Variants in ERI1 observed in about 807,000 individuals in gnomAD.
ERI1 encodes the protein 3'-5' exoribonuclease 1.
A neutral mutation model predicts 39.7 loss-of-function variants in ERI1; 39 were observed. The observed-to-expected ratio is 0.98, with a 90% confidence interval of 0.76 to 1.28. The LOEUF (loss-of-function observed/expected upper bound fraction) is 1.28. ERI1 is among the 50% of genes most tolerant of loss of function. ERI1 has a pLI of 0.00. For synonymous variants in ERI1, 204 were observed against 149.6 expected (o/e 1.36, Z -2.65); for missense variants, 581 against 416.9 (o/e 1.39, Z -3.43).
downstream of ERI1, among the ~76,000 whole-genome samples, chr8:9,034,375 A>G (rs538805501): frequency 1.2e-4 from 19 of 152,336 alleles, no homozygotes; most frequent in African/African-American, 3.8e-4. Context: ...TTTTTAACAT[A>G]CTGAAAGTTT....
chr8:9,036,228 CTG>C (rs1202966787), downstream of ERI1, among the ~76,000 whole-genome samples: 1 of 152,198 alleles, frequency 6.6e-6, no homozygotes, highest in East Asian at 1.9e-4. Flanking sequence ...GAAAGAAGGT[CTG>C]TGGATAGAAT....
intron 3 of ERI1, among the ~76,000 whole-genome samples, chr8:9,092,056 A>C (rs1799724426): frequency 6.6e-6 from 1 of 152,136 alleles, no homozygotes; most frequent in South Asian, 2.1e-4. Context: ...TCCTGGGCTC[A>C]AGTGATCCTC....
intron 3 of ERI1, among the ~76,000 whole-genome samples, chr8:9,068,451 C>T (rs1486214867): frequency 1.3e-5 from 2 of 152,172 alleles, no homozygotes; most frequent in Non-Finnish European, 2.9e-5. Flanking sequence ...ATCCTCCTGC[C>T]TTGGCCTCCC....
chr8:9,089,804 T>C (rs1438180998), intron 3 of ERI1, among the ~76,000 whole-genome samples: 1 of 152,148 alleles, frequency 6.6e-6, no homozygotes, highest in Non-Finnish European at 1.5e-5. Flanking sequence ...CAGAGTCCGC[T>C]TAGCTTTTCA....
chr8:9,038,936 A>G (rs1797936060), intron 3 of ERI1, among the ~76,000 whole-genome samples: 1 of 152,166 alleles, frequency 6.6e-6, no homozygotes, highest in African/African-American at 2.4e-5. Flanking sequence ...CAGTTCTTTA[A>G]TTTCCGTGAC....
rs1798904956 is a variant in ERI1, at chr8:9,067,185, T to A, written n.299+46721T>A. 2.6e-5 allele frequency among the ~76,000 whole-genome samples: 4 copies of A among 152,184 alleles called. No homozygotes were observed. In the South Asian group the frequency reaches 8.3e-4, roughly 32 times the overall value. ...ACAAATATAAGCCCCCATTATTGAT[T>A]TAGCTGCAGGGTACGTCATTCATAC... is the stretch of plus-strand genomic sequence containing the variant. On this transcript the variant is annotated intron_variant and non_coding_transcript_variant, in intron 3 of 3. Coordinates refer to the ERI1 transcript ENST00000518663.
intron 3 of ERI1, among the ~76,000 whole-genome samples, chr8:9,096,531 G>A (rs1371232129): frequency 6.6e-6 from 1 of 152,084 alleles, no homozygotes; most frequent in African/African-American, 2.4e-5. Flanking sequence ...GACTGTGAAA[G>A]GGCTCACTGT....
intron 3 of ERI1, among the ~76,000 whole-genome samples, chr8:9,063,665 T>A (rs1243911501): frequency 6.6e-6 from 1 of 151,678 alleles, no homozygotes. Context: ...CTAGGGAGGG[T>A]CCAATGTGTA....
At position 9,058,490 on chromosome 8, in the gene ERI1, T is replaced by A. The variant is rs542916009; in HGVS notation, n.299+38026T>A. ...TTCTCCATGTTAATGAGGTGATGAA[T>A]AAAAATGATAATGACATTGTGGCAT... is the stretch of plus-strand genomic sequence containing the variant. On this transcript the variant is annotated intron_variant and non_coding_transcript_variant, in intron 3 of 3. Coordinates refer to the ERI1 transcript ENST00000518663. Among the ~76,000 whole-genome samples, 5 of 152,334 alleles carry A rather than the reference T, an allele frequency of 3.3e-5. No individual in the cohort carries two copies. In the South Asian group the frequency reaches 8.3e-4, roughly 25 times the overall value.
At chr8:9,063,981 C>G (rs185079903) in intron 3 of ERI1, among the ~76,000 whole-genome samples, 1 of 150,958 alleles carries the variant, frequency 6.6e-6, no homozygotes, top group African/African-American at 2.4e-5. Flanking sequence ...AGTAGAGACA[C>G]GGAGGGAAGG....
At position 9,030,340 on chromosome 8, in the gene ERI1, A is replaced by G. The variant is rs1327270393; in HGVS notation, c.*306A>G. On this transcript the variant is annotated 3_prime_UTR_variant, in exon 7 of 7. Coordinates refer to ENST00000250263, the MANE Select transcript of ERI1 (RefSeq NM_153332.4). Reference sequence around the variant, plus strand: ...TTTTGGTTTTAAAATGCAAAATCTTATTGGCTGTTCTGTTGAATGTCATAT... The same window carrying G: ...TTTTGGTTTTAAAATGCAAAATCTTGTTGGCTGTTCTGTTGAATGTCATAT... The G allele has an allele frequency of 6.7e-6, 2 of 296,654 alleles. No homozygotes were observed. The highest frequency in any genetic ancestry group is 1.3e-5 in the Non-Finnish European group (2 of 154,314). The allele number at this position is 296,654 out of a possible 1,614,324, so 18.4% of individuals were successfully genotyped here. A position where few individuals can be genotyped will look rare whatever the true frequency, so the allele number is the denominator to read the frequency against.
intron 3 of ERI1, among the ~76,000 whole-genome samples, chr8:9,047,635 G>T (rs1798215996): frequency 6.6e-6 from 1 of 152,082 alleles, no homozygotes; most frequent in Non-Finnish European, 1.5e-5. Context: ...GGAGTTTGAG[G>T]CTGCAGTGAG....
chr8:9,050,504 T>C (rs1223982811), intron 3 of ERI1, among the ~76,000 whole-genome samples: 1 of 37,398 alleles, frequency 2.7e-5, no homozygotes, highest in East Asian at 4.4e-4. Context: ...TGAAACTCCA[T>C]CTCAAAAAAA....
rs140271229 is a variant in ERI1 at position 9,027,793 on chromosome 8, G to T, written c.808-1999G>T. 6.6e-3 allele frequency among the ~76,000 whole-genome samples: 997 copies of T among 151,952 alleles called. 12 individuals are homozygous for T. The highest frequency in any genetic ancestry group is 0.023 in the African/African-American group (936 of 41,406). The stretch of plus-strand genomic sequence containing the variant: ...GAAAGTTTATTTCTAGACTCTCTTC[G>T]GTTTTATTAGTTTGTATGTCTATAC... On this transcript the variant is annotated intron_variant, in intron 6 of 6. Coordinates refer to ENST00000250263, the MANE Select transcript of ERI1 (RefSeq NM_153332.4).
Position 9,081,703 on chromosome 8 carries a change from T to G in ERI1, n.300-34645T>G, listed in dbSNP as rs868592165. Among the ~76,000 whole-genome samples the G allele has an allele frequency of 8.4e-5, 12 of 142,614 alleles. No individual in the cohort carries two copies. In the South Asian group the frequency reaches 1.7e-3, roughly 21 times the overall value. The allele number at this position is 142,614 out of a possible 152,430, so 93.6% of individuals were successfully genotyped here. A position where few individuals can be genotyped will look rare whatever the true frequency, so the allele number is the denominator to read the frequency against. ...TCTTTTGTTTTTGTTTTTTTTTGGT[T>G]TTTGTTTGTTTGTTTGTTTGTTTGT... On this transcript the variant is annotated intron_variant and non_coding_transcript_variant, in intron 3 of 3. Transcript: ENST00000518663.
intron 3 of ERI1, among the ~76,000 whole-genome samples, chr8:9,043,827 A>G (rs1321241983): frequency 6.6e-6 from 1 of 152,244 alleles, no homozygotes; most frequent in Admixed American, 6.5e-5. Flanking sequence ...AGCTGGGACT[A>G]CAGGCCATAA....
chr8:9,066,862 C>G (rs1036212870), intron 3 of ERI1, among the ~76,000 whole-genome samples: 2 of 151,988 alleles, frequency 1.3e-5, no homozygotes, highest in Admixed American at 1.3e-4. Context: ...CCTCACTGTT[C>G]TGATGTTCTC....
At chr8:9,096,819 C>A (rs1479555968) in intron 3 of ERI1, 1 of 146,176 alleles carries the variant, frequency 6.8e-6, no homozygotes, top group Non-Finnish European at 1.5e-5. Flanking sequence ...TGGGCTCAAG[C>A]AATGCTCCCG....
chr8:9,062,853 G>A (rs571396493), intron 3 of ERI1: 61 of 152,138 alleles, frequency 4.0e-4, no homozygotes, highest in Admixed American at 3.9e-3. Flanking sequence ...GGAATCCCGG[G>A]CTGTGGGCAT....
Sources: gnomAD v4.1 joint callset for allele counts (sites outside exome capture counted in the v4.1 genomes callset) on GRCh38, gnomAD v4.1.1 for gene constraint, MANE v1.5 for transcripts, NCBI Gene and HGNC (gene_info 2026-07-23, HGNC 2026-07-21) for gene names.